The following FHIT variants were observed in gnomAD, a reference collection of about 807,000 sequenced individuals.
FHIT encodes the protein fragile histidine triad diadenosine triphosphatase.
In FHIT, 19 loss-of-function variants were observed where a neutral mutation model predicts 17.9. That is an observed-to-expected ratio of 1.06 (90% CI 0.74 to 1.56). The LOEUF is 1.56. Ranked by LOEUF, FHIT falls within the 40% of genes most tolerant of loss-of-function variation. FHIT has a pLI of 0.00. For missense variants in FHIT, 248 were observed against 189.2 expected, an observed-to-expected ratio of 1.31 and a Z score of -1.82; for synonymous variants, 81 against 69.7, an observed-to-expected ratio of 1.16 and a Z score of -0.81.
chr3:60,391,941 C>T (rs736935), intron 5 of FHIT, among the ~76,000 whole-genome samples: 62,339 of 150,088 alleles, frequency 0.42, 13,284 homozygotes, highest in African/African-American at 0.52. Flanking sequence ...TTCTTTTTTT[C>T]TTTTTTTAAT....
intron 4 of FHIT, among the ~76,000 whole-genome samples, chr3:60,552,043 T>G (rs954976261): frequency 6.6e-6 from 1 of 152,164 alleles, no homozygotes; most frequent in Admixed American, 6.5e-5. Flanking sequence ...TCTGTCTCTG[T>G]GGATTTGCCT....
intron 5 of FHIT, among the ~76,000 whole-genome samples, chr3:60,023,871 T>C (rs1700641299): frequency 6.6e-6 from 1 of 152,190 alleles, no homozygotes; most frequent in Admixed American, 6.5e-5. Context: ...GGGAAACAAT[T>C]CTTTCTAATG....
At chr3:60,337,193 T>C (rs1288380789) in intron 5 of FHIT, among the ~76,000 whole-genome samples, 2 of 152,118 alleles carry the variant, frequency 1.3e-5, no homozygotes, top group African/African-American at 4.8e-5. Context: ...CATTAGGGAA[T>C]GCATACTTTT....
intron 2 of FHIT, among the ~76,000 whole-genome samples, chr3:61,199,665 T>C: frequency 6.6e-6 from 1 of 152,140 alleles, no homozygotes. Flanking sequence ...GTCAAGAAGT[T>C]AGGAAGAACT....
chr3:60,272,391 G>A (rs548087191), intron 5 of FHIT, among the ~76,000 whole-genome samples: 2 of 152,262 alleles, frequency 1.3e-5, no homozygotes, highest in African/African-American at 4.8e-5. Flanking sequence ...GATCTGCAAA[G>A]GCAGAGATAG....
intron 2 of FHIT, among the ~76,000 whole-genome samples, chr3:61,096,480 T>C (rs9825823): frequency 0.47 from 70,693 of 151,996 alleles, 17,461 homozygotes; most frequent in Non-Finnish European, 0.55. Context: ...ATAATAGTTG[T>C]TTCAAGCAAT....
At chr3:59,916,385 C>A (rs919687568) in intron 8 of FHIT, among the ~76,000 whole-genome samples, 9 of 152,182 alleles carry the variant, frequency 5.9e-5, no homozygotes, top group Non-Finnish European at 8.8e-5. Flanking sequence ...GGGACTCGGA[C>A]TGGCTTCCTT....
intron 5 of FHIT, among the ~76,000 whole-genome samples, chr3:60,269,328 T>C (rs1706749137): frequency 6.6e-6 from 1 of 152,240 alleles, no homozygotes; most frequent in Non-Finnish European, 1.5e-5. Flanking sequence ...GGAGTTTTCC[T>C]GTCCATTCAT....
At chr3:60,357,731 A>G (rs1699735314) in intron 5 of FHIT, among the ~76,000 whole-genome samples, 3 of 152,226 alleles carry the variant, frequency 2.0e-5, no homozygotes, top group African/African-American at 7.2e-5. Context: ...TCATATTGAT[A>G]CACATATTTA....
intron 5 of FHIT, among the ~76,000 whole-genome samples, chr3:60,121,900 T>G (rs1705274568): frequency 6.6e-6 from 1 of 152,158 alleles, no homozygotes; most frequent in Admixed American, 6.5e-5. Context: ...TTCACAATGT[T>G]GTATCTACAG....
intron 2 of FHIT, among the ~76,000 whole-genome samples, chr3:61,197,441 A>G (rs1360544515): frequency 6.6e-6 from 1 of 152,168 alleles, no homozygotes; most frequent in African/African-American, 2.4e-5. Flanking sequence ...ATTTATTCAC[A>G]GTAGGAGTGC....
At position 60,050,945 on chromosome 3, in the gene FHIT, C is replaced by T. The variant is rs143685959; in HGVS notation, c.104-36793G>A. Among the ~76,000 whole-genome samples the T allele has an allele frequency of 5.9e-5, 9 of 152,326 alleles. No individual in the cohort carries two copies. In the East Asian group the frequency reaches 1.5e-3, roughly 26 times the overall value. ...ATGCATTCAATCAACAGTCATTGAG[C>T]TTGTCCACTGTTTCAGGTCCTGGGC... On this transcript the variant is annotated intron_variant, in intron 5 of 9. Transcript: ENST00000492590.
At chr3:59,887,285 C>G (rs555173419) in intron 8 of FHIT, among the ~76,000 whole-genome samples, 1 of 152,190 alleles carries the variant, frequency 6.6e-6, no homozygotes, top group Non-Finnish European at 1.5e-5. Flanking sequence ...TGGCCCATCT[C>G]TGTTCGCTGG....
chr3:60,677,357 T>G (rs1273506052), intron 4 of FHIT, among the ~76,000 whole-genome samples: 1 of 152,308 alleles, frequency 6.6e-6, no homozygotes, highest in African/African-American at 2.4e-5. Context: ...TTCTATACTC[T>G]ATGTCTACAT....
chr3:60,195,628 AATATAC>A (rs2107479463), intron 5 of FHIT, among the ~76,000 whole-genome samples: 1 of 144,288 alleles, frequency 6.9e-6, no homozygotes, highest in South Asian at 2.2e-4. Context: ...TATATATATT[AATATAC>A]ATATAAACAT....
chr3:60,596,691 C>T lies in FHIT; in HGVS notation c.-17-59712G>A, dbSNP rs138139732. On this transcript the variant is annotated intron_variant, in intron 4 of 9. Transcript: ENST00000492590. ...TGGGTAATGGCTAAATCTCATCCAC[C>T]TTTATATCTCCAAGTCTAACAATAG... 8.5e-5 allele frequency among the ~76,000 whole-genome samples: 13 copies of T among 152,208 alleles called. No homozygotes were observed. In the East Asian group the frequency reaches 2.5e-3, roughly 30 times the overall value.
rs527862656 is a variant in FHIT, at chr3:60,648,975, G to C, written c.-17-111996C>G. On this transcript the variant is annotated intron_variant, in intron 4 of 9. Transcript: ENST00000492590. ...AGGGCAGTTAACATTGTGTATGCCTGTGTTTATGTAAGTATATATACCTAC... is the reference window on the plus strand; with the variant it reads ...AGGGCAGTTAACATTGTGTATGCCTCTGTTTATGTAAGTATATATACCTAC... Among the ~76,000 whole-genome samples, 6 of 152,264 alleles carry C rather than the reference G, an allele frequency of 3.9e-5. No individual in the cohort carries two copies. The East Asian group carries it at 9.6e-4, about 24-fold the overall frequency.
chr3:60,101,515 C>T (rs975372567), intron 5 of FHIT, among the ~76,000 whole-genome samples: 4 of 152,230 alleles, frequency 2.6e-5, no homozygotes, highest in Admixed American at 2.6e-4. Context: ...CCTCACCCAC[C>T]CCATGCTATT....
chr3:60,630,934 T>TAAAAAA (rs1202134208), intron 4 of FHIT, among the ~76,000 whole-genome samples: 6 of 93,370 alleles, frequency 6.4e-5, no homozygotes, highest in South Asian at 4.8e-4. Context: ...CCCAGGTCAT[T>TAAAAAA]AAAAAAAAAA....
Sources: gnomAD v4.1 joint callset for allele counts (sites outside exome capture counted in the v4.1 genomes callset) on GRCh38, gnomAD v4.1.1 for gene constraint, MANE v1.5 for transcripts, NCBI Gene and HGNC (gene_info 2026-07-23, HGNC 2026-07-21) for gene names.